Variants in RALGPS1 observed in about 807,000 individuals in gnomAD.
RALGPS1 encodes Ral GEF with PH domain and SH3 binding motif 1.
A neutral mutation model predicts 78.8 loss-of-function variants in RALGPS1; 19 were observed. The ratio of observed to expected loss-of-function variants is 0.24; its 90% CI spans 0.17 to 0.35. The LOEUF is 0.35. Among genes scored for constraint, RALGPS1 ranks in the 10% least tolerant of loss-of-function variants. The pLI is 1.00. For synonymous variants in RALGPS1, 228 were observed against 256.3 expected, an observed-to-expected ratio of 0.89 and a Z score of 1.06; for missense variants, 454 against 688.3, an observed-to-expected ratio of 0.66 and a Z score of 3.81.
intron 4 of RALGPS1, among the ~76,000 whole-genome samples, chr9:127,005,185 T>C (rs529362159): frequency 6.6e-6 from 1 of 152,358 alleles, no homozygotes; most frequent in African/African-American, 2.4e-5. Flanking sequence ...TAAAACTCAT[T>C]GCATGAACTG....
chr9:127,054,168 G>A (rs1452817354), intron 7 of RALGPS1, among the ~76,000 whole-genome samples: 4 of 152,296 alleles, frequency 2.6e-5, no homozygotes, highest in Admixed American at 6.5e-5. Flanking sequence ...TTTGGAGGTC[G>A]AAAGCAAGTT....
intron 8 of RALGPS1, among the ~76,000 whole-genome samples, chr9:127,161,203 G>A (rs955039341): frequency 6.6e-6 from 1 of 152,260 alleles, no homozygotes; most frequent in Non-Finnish European, 1.5e-5. Flanking sequence ...CCACCATGCA[G>A]TCAGCATCTG....
intron 8 of RALGPS1, chr9:127,092,076 C>T: frequency 9.8e-7 from 1 of 1,015,278 alleles, no homozygotes; most frequent in Non-Finnish European, 1.5e-6. Context: ...GTTCAGACCC[C>T]TACTCCACCT....
chr9:127,121,947 C>T (rs1291790141), intron 8 of RALGPS1, among the ~76,000 whole-genome samples: 1 of 152,234 alleles, frequency 6.6e-6, no homozygotes, highest in African/African-American at 2.4e-5. Flanking sequence ...CCCCTGCCTT[C>T]TGCAGCTCTT....
At chr9:127,068,765 C>A (rs2049932361) in intron 7 of RALGPS1, among the ~76,000 whole-genome samples, 1 of 152,092 alleles carries the variant, frequency 6.6e-6, no homozygotes, top group Non-Finnish European at 1.5e-5. Flanking sequence ...GGGGCTTATC[C>A]CATAGGCATT....
At chr9:127,024,246 T>C (rs939000359) in intron 4 of RALGPS1, among the ~76,000 whole-genome samples, 2 of 151,898 alleles carry the variant, frequency 1.3e-5, no homozygotes, top group African/African-American at 4.8e-5. Context: ...TTTTTCCAAG[T>C]GATCTTGTAC....
intron 4 of RALGPS1, among the ~76,000 whole-genome samples, chr9:127,013,059 G>A (rs868079666): frequency 2.1e-4 from 32 of 152,310 alleles, no homozygotes; most frequent in Admixed American, 5.2e-4. Flanking sequence ...TGGAGCTTCC[G>A]TTGTGGCCTG....
At chr9:127,096,969 A>G (rs1338225798) in intron 8 of RALGPS1, among the ~76,000 whole-genome samples, 1 of 152,222 alleles carries the variant, frequency 6.6e-6, no homozygotes, top group Non-Finnish European at 1.5e-5. Flanking sequence ...GGTAAAGGAC[A>G]CAGCAGGTGT....
intron 1 of RALGPS1, among the ~76,000 whole-genome samples, chr9:126,926,878 T>G (rs2035331529): frequency 6.6e-6 from 1 of 151,960 alleles, no homozygotes; most frequent in African/African-American, 2.4e-5. Flanking sequence ...GATATCAGAG[T>G]TTCTCACTCG....
intron 5 of RALGPS1, among the ~76,000 whole-genome samples, chr9:127,038,910 G>A (rs968089354): frequency 6.6e-6 from 1 of 152,156 alleles, no homozygotes; most frequent in Non-Finnish European, 1.5e-5. Context: ...GGAGGGAAAT[G>A]ACAGAGAAGA....
intron 8 of RALGPS1, among the ~76,000 whole-genome samples, chr9:127,090,164 C>T (rs1292004369): frequency 2.6e-5 from 4 of 152,180 alleles, no homozygotes; most frequent in African/African-American, 7.2e-5. Context: ...TCCTTGGGCA[C>T]GCCATAACCA....
intron 8 of RALGPS1, among the ~76,000 whole-genome samples, chr9:127,164,714 G>GT (rs942785429): frequency 1.3e-5 from 2 of 151,232 alleles, no homozygotes; most frequent in Non-Finnish European, 3.0e-5. Flanking sequence ...TAATTTTTGT[G>GT]TTTTTTGTAG....
chr9:126,950,313 A>G (rs546243773), intron 1 of RALGPS1, among the ~76,000 whole-genome samples: 1 of 152,130 alleles, frequency 6.6e-6, no homozygotes, highest in Non-Finnish European at 1.5e-5. Flanking sequence ...TTTTGGTTCC[A>G]TATGAACTTT....
intron 4 of RALGPS1, chr9:126,989,903 C>T: frequency 6.4e-7 from 1 of 1,550,438 alleles, no homozygotes; most frequent in Non-Finnish European, 8.7e-7. Context: ...AAAGGCTGGC[C>T]TGCCAGAATG....
At chr9:126,916,824 G>A (rs554748826) in intron 1 of RALGPS1, among the ~76,000 whole-genome samples, 4 of 152,096 alleles carry the variant, frequency 2.6e-5, no homozygotes, top group Non-Finnish European at 5.9e-5. Context: ...CCCAAAAGAA[G>A]GCAATGCCTG....
chr9:126,977,992 C>A (rs2040845390), intron 4 of RALGPS1: 1 of 354,514 alleles, frequency 2.8e-6, no homozygotes, highest in Non-Finnish European at 5.1e-6. Flanking sequence ...CAGGACTCCA[C>A]GCCTGAGAGT....
At chr9:127,171,636 G>A (rs1265101563) in intron 10 of RALGPS1, among the ~76,000 whole-genome samples, 2 of 152,216 alleles carry the variant, frequency 1.3e-5, no homozygotes, top group Non-Finnish European at 2.9e-5. Context: ...GCGCACGCCT[G>A]TAGTCCTACC....
chr9:126,971,103 C>A (rs1319503422), intron 3 of RALGPS1, among the ~76,000 whole-genome samples: 1 of 152,034 alleles, frequency 6.6e-6, no homozygotes, highest in Non-Finnish European at 1.5e-5. Context: ...GAAACTTTTT[C>A]ACATGAAAAT....
intron 8 of RALGPS1, among the ~76,000 whole-genome samples, chr9:127,131,430 A>G (rs1055200841): frequency 2.0e-5 from 3 of 152,200 alleles, no homozygotes; most frequent in African/African-American, 7.2e-5. Flanking sequence ...CATCTGTTAC[A>G]CACTCACCAC....
Sources: gnomAD v4.1 joint callset for allele counts (sites outside exome capture counted in the v4.1 genomes callset) on GRCh38, gnomAD v4.1.1 for gene constraint, MANE v1.5 for transcripts, NCBI Gene and HGNC (gene_info 2026-07-23, HGNC 2026-07-21) for gene names.